Variants in SLC24A3 observed in about 807,000 individuals in gnomAD.
SLC24A3 encodes solute carrier family 24 member 3.
In SLC24A3, 28 loss-of-function variants were observed where a neutral mutation model predicts 75.8. The ratio of observed to expected loss-of-function variants is 0.37; its 90% CI spans 0.27 to 0.51. SLC24A3 has a LOEUF of 0.51. Among genes scored for constraint, SLC24A3 ranks in the 20% least tolerant of loss-of-function variants. The pLI, the probability that SLC24A3 is intolerant of heterozygous loss-of-function variation, is 0.94. For missense variants in SLC24A3, 663 were observed against 847.8 expected (o/e 0.78, Z 2.71); for synonymous variants, 372 against 334.1 (o/e 1.11, Z -1.24).
intron 3 of SLC24A3, among the ~76,000 whole-genome samples, chr20:19,578,674 TG>T (rs994891564): frequency 2.4e-4 from 37 of 152,060 alleles, no homozygotes; most frequent in African/African-American, 8.9e-4. Flanking sequence ...GAAAAGATAC[TG>T]GGAGGTCAAT....
At chr20:19,527,220 C>T (rs1285339185) in intron 3 of SLC24A3, among the ~76,000 whole-genome samples, 5 of 152,306 alleles carry the variant, frequency 3.3e-5, no homozygotes, top group Non-Finnish European at 7.3e-5. Flanking sequence ...TCCCACTTTT[C>T]TTTGTTGCTG....
intron 6 of SLC24A3, among the ~76,000 whole-genome samples, chr20:19,637,306 A>T (rs1314137430): frequency 1.3e-5 from 2 of 152,242 alleles, no homozygotes; most frequent in African/African-American, 4.8e-5. Flanking sequence ...GTCTCAAAAC[A>T]CAAAAAATTG....
chr20:19,454,637 C>G (rs1883693), intron 2 of SLC24A3, among the ~76,000 whole-genome samples: 57,871 of 152,038 alleles, frequency 0.38, 12,348 homozygotes, highest in East Asian at 0.59. Flanking sequence ...AAGAACTTCA[C>G]TGAAGACATA....
At chr20:19,613,808 G>C (rs775864534) in intron 6 of SLC24A3, among the ~76,000 whole-genome samples, 12 of 152,168 alleles carry the variant, frequency 7.9e-5, no homozygotes, top group Non-Finnish European at 1.6e-4. Flanking sequence ...CCAGATGAAG[G>C]CTTCCTTGGT....
intron 7 of SLC24A3, among the ~76,000 whole-genome samples, chr20:19,658,048 C>T (rs1432669990): frequency 6.6e-6 from 1 of 152,142 alleles, no homozygotes; most frequent in Non-Finnish European, 1.5e-5. Context: ...GTGTAACTGT[C>T]GGTGTCCTGA....
intron 2 of SLC24A3, among the ~76,000 whole-genome samples, chr20:19,339,759 G>A (rs954786491): frequency 2.1e-4 from 32 of 152,228 alleles, no homozygotes; most frequent in Non-Finnish European, 4.0e-4. Flanking sequence ...TCAGATGCAT[G>A]TGGACACCTC....
chr20:19,586,027 T>C (rs1354945160), intron 6 of SLC24A3, among the ~76,000 whole-genome samples: 1 of 152,172 alleles, frequency 6.6e-6, no homozygotes, highest in African/African-American at 2.4e-5. Flanking sequence ...GAGCATTTCA[T>C]TTCTCTATTA....
At chr20:19,551,924 A>T (rs1046460081) in intron 3 of SLC24A3, among the ~76,000 whole-genome samples, 29 of 152,280 alleles carry the variant, frequency 1.9e-4, no homozygotes, top group Middle Eastern at 3.4e-3. Context: ...AACATTTTTT[A>T]AAAAAAGAAA....
At chr20:19,427,921 G>C (rs373999903) in intron 2 of SLC24A3, among the ~76,000 whole-genome samples, 15 of 152,328 alleles carry the variant, frequency 9.8e-5, no homozygotes, top group East Asian at 9.6e-4. Flanking sequence ...TTAATCCACA[G>C]TTTTAGAAGC....
At chr20:19,480,786 G>T (rs2122518168) in intron 2 of SLC24A3, among the ~76,000 whole-genome samples, 1 of 152,288 alleles carries the variant, frequency 6.6e-6, no homozygotes, top group Admixed American at 6.5e-5. Flanking sequence ...CAATCTAAGA[G>T]CTGGGTTTCT....
At chr20:19,318,999 G>A (rs963286713) in intron 2 of SLC24A3, among the ~76,000 whole-genome samples, 1 of 152,036 alleles carries the variant, frequency 6.6e-6, no homozygotes, top group Non-Finnish European at 1.5e-5. Flanking sequence ...GTTCGAGAAG[G>A]ATCCTGGTCT....
chr20:19,630,764 A>T (rs1041328301), intron 6 of SLC24A3, among the ~76,000 whole-genome samples: 1 of 152,208 alleles, frequency 6.6e-6, no homozygotes, highest in African/African-American at 2.4e-5. Context: ...TCTATACTGG[A>T]AAAGACTACA....
chr20:19,419,037 TA>T (rs1464765976), intron 2 of SLC24A3, among the ~76,000 whole-genome samples: 1 of 152,226 alleles, frequency 6.6e-6, no homozygotes, highest in Non-Finnish European at 1.5e-5. Context: ...TGAAAGCTGA[TA>T]AATAACAAGA....
At chr20:19,645,987 C>A (rs1177455253) in intron 6 of SLC24A3, among the ~76,000 whole-genome samples, 1 of 151,984 alleles carries the variant, frequency 6.6e-6, no homozygotes, top group South Asian at 2.1e-4. Flanking sequence ...CTTGGGAAGT[C>A]GAGGCTGCAG....
intron 2 of SLC24A3, among the ~76,000 whole-genome samples, chr20:19,431,090 A>T: frequency 6.6e-6 from 1 of 152,008 alleles, no homozygotes; most frequent in East Asian, 1.9e-4. Flanking sequence ...CACCCTGGGA[A>T]GATGCTAACT....
chr20:19,455,022 CT>C (rs35009090), intron 2 of SLC24A3, among the ~76,000 whole-genome samples: 2 of 152,092 alleles, frequency 1.3e-5, no homozygotes, highest in Non-Finnish European at 2.9e-5. Context: ...TGTTCTATGT[CT>C]TTTTTTATCA....
chr20:19,361,107 G>A (rs567217406), intron 2 of SLC24A3, among the ~76,000 whole-genome samples: 39 of 152,302 alleles, frequency 2.6e-4, no homozygotes, highest in Non-Finnish European at 4.7e-4. Context: ...GATTACAGGC[G>A]TGAACCACTG....
intron 1 of SLC24A3, among the ~76,000 whole-genome samples, chr20:19,253,539 C>T (rs922115090): frequency 5.9e-5 from 9 of 152,208 alleles, no homozygotes; most frequent in Non-Finnish European, 1.0e-4. Flanking sequence ...TTTGAGTCAT[C>T]AGCATCTTTG....
intron 2 of SLC24A3, among the ~76,000 whole-genome samples, chr20:19,362,092 T>C (rs905371474): frequency 6.6e-5 from 10 of 152,220 alleles, no homozygotes; most frequent in Non-Finnish European, 8.8e-5. Flanking sequence ...AAATTTTCCA[T>C]TAAAAATAAC....
Sources: gnomAD v4.1 joint callset for allele counts (sites outside exome capture counted in the v4.1 genomes callset) on GRCh38, gnomAD v4.1.1 for gene constraint, MANE v1.5 for transcripts, NCBI Gene and HGNC (gene_info 2026-07-23, HGNC 2026-07-21) for gene names.